The following PRKD1 variants were observed in gnomAD, a reference collection of about 807,000 sequenced individuals.
PRKD1 encodes the protein protein kinase D1.
Under a neutral mutation model 95.9 loss-of-function variants are expected in PRKD1, and 63 were observed. The observed-to-expected ratio is 0.66, with a 90% CI of 0.54 to 0.81. PRKD1 has a LOEUF of 0.81. PRKD1 is among the 30% of genes least tolerant of loss of function. PRKD1 has a pLI of 0.00. For missense variants in PRKD1, 1,048 were observed against 1,165.3 expected (o/e 0.90, Z 1.47); for synonymous variants, 425 against 423.1 (o/e 1.00, Z -0.05).
intron 6 of PRKD1, 61 bp from the exon 7 acceptor site, chr14:29,636,555 A>G: frequency 6.5e-7 from 1 of 1,541,566 alleles, no homozygotes; most frequent in Non-Finnish European, 8.9e-7. Flanking sequence ...GGCTTAAGAG[A>G]CAGTCAGGTG....
At chr14:29,650,572 G>C (rs568616140) in intron 4 of PRKD1, 1 of 152,370 alleles carries the variant, frequency 6.6e-6, no homozygotes, top group East Asian at 1.9e-4. Context: ...CTGAATGGGG[G>C]GGGCAGGAGA....
chr14:29,616,894 T>C (rs1878903055), intron 13 of PRKD1, among the ~76,000 whole-genome samples: 1 of 152,212 alleles, frequency 6.6e-6, no homozygotes, highest in South Asian at 2.1e-4. Flanking sequence ...CTTGGTTTCA[T>C]TATCCAGATA....
chr14:29,901,252 C>T (rs1173528114), intron 1 of PRKD1, among the ~76,000 whole-genome samples: 1 of 152,134 alleles, frequency 6.6e-6, no homozygotes, highest in African/African-American at 2.4e-5. Context: ...AAACCAAATA[C>T]CACGTGTTCT....
At chr14:29,679,333 T>A (rs911422753) in intron 2 of PRKD1, among the ~76,000 whole-genome samples, 3 of 152,214 alleles carry the variant, frequency 2.0e-5, no homozygotes, top group Non-Finnish European at 2.9e-5. Flanking sequence ...GGTAGAGCTT[T>A]GAAGTCATTT....
intron 1 of PRKD1, among the ~76,000 whole-genome samples, chr14:29,909,668 C>T (rs1022221166): frequency 6.6e-6 from 1 of 152,140 alleles, no homozygotes; most frequent in Admixed American, 6.5e-5. Context: ...CACTCTGTGT[C>T]TAGCTCAAGG....
intron 2 of PRKD1, among the ~76,000 whole-genome samples, chr14:29,691,248 G>C (rs1884215814): frequency 6.6e-6 from 1 of 152,144 alleles, no homozygotes; most frequent in Admixed American, 6.5e-5. Context: ...TAGAACACCA[G>C]GCCAGTTCCC....
At chr14:29,649,991 TCA>T (rs1224804685) in intron 4 of PRKD1, among the ~76,000 whole-genome samples, 2 of 152,160 alleles carry the variant, frequency 1.3e-5, no homozygotes, top group Non-Finnish European at 2.9e-5. Context: ...ACAGTCTTTA[TCA>T]CACACACTCA....
chr14:29,706,674 T>C (rs1885107397), intron 2 of PRKD1, among the ~76,000 whole-genome samples: 1 of 152,174 alleles, frequency 6.6e-6, no homozygotes, highest in South Asian at 2.1e-4. Flanking sequence ...GGCTTTAGTA[T>C]CTCATATAAT....
intron 1 of PRKD1, among the ~76,000 whole-genome samples, chr14:29,896,793 G>C (rs769651314): frequency 6.6e-6 from 1 of 150,860 alleles, no homozygotes; most frequent in African/African-American, 2.4e-5. Flanking sequence ...ACATGCAAAT[G>C]AATCTCGTCA....
intron 1 of PRKD1, among the ~76,000 whole-genome samples, chr14:29,838,301 C>T (rs953156765): frequency 8.6e-5 from 13 of 151,996 alleles, no homozygotes; most frequent in Non-Finnish European, 1.8e-4. Context: ...AAATAGAAAA[C>T]TGCAGAGTAT....
At chr14:29,706,756 G>T (rs918899285) in intron 2 of PRKD1, among the ~76,000 whole-genome samples, 1 of 152,026 alleles carries the variant, frequency 6.6e-6, no homozygotes. Context: ...CTTTCACAGA[G>T]TATCTTCTAC....
At chr14:29,679,141 T>A (rs1427539090) in intron 2 of PRKD1, among the ~76,000 whole-genome samples, 11 of 152,186 alleles carry the variant, frequency 7.2e-5, no homozygotes. Context: ...AAAATGAACC[T>A]AAAAATGGAA....
At chr14:29,925,644 G>A (rs1248548548) in intron 1 of PRKD1, among the ~76,000 whole-genome samples, 6 of 152,152 alleles carry the variant, frequency 3.9e-5, no homozygotes, top group Non-Finnish European at 7.4e-5. Flanking sequence ...GGAGGAAGTG[G>A]GGGGCGGGGT....
intron 1 of PRKD1, among the ~76,000 whole-genome samples, chr14:29,758,740 A>G (rs1887830659): frequency 6.6e-6 from 1 of 152,190 alleles, no homozygotes; most frequent in Admixed American, 6.5e-5. Context: ...TTTGTCTTCA[A>G]AAATTACAAG....
intron 1 of PRKD1, among the ~76,000 whole-genome samples, chr14:29,793,641 G>A (rs981580447): frequency 3.9e-5 from 6 of 152,020 alleles, no homozygotes. Flanking sequence ...AATAGGAAGA[G>A]ATGAGCGCAA....
At chr14:29,829,311 T>A (rs1891314394) in intron 1 of PRKD1, among the ~76,000 whole-genome samples, 1 of 152,138 alleles carries the variant, frequency 6.6e-6, no homozygotes, top group South Asian at 2.1e-4. Context: ...AGTTTTAGGG[T>A]GATTTGTTAC....
At chr14:29,922,068 A>G (rs146896982) in intron 1 of PRKD1, among the ~76,000 whole-genome samples, 2,071 of 152,118 alleles carry the variant, frequency 0.014, 46 homozygotes, top group African/African-American at 0.048. Context: ...TTGGGAGGCC[A>G]AGGCGGGCGG....
intron 1 of PRKD1, among the ~76,000 whole-genome samples, chr14:29,789,716 A>G (rs920192112): frequency 6.6e-6 from 1 of 152,132 alleles, no homozygotes; most frequent in African/African-American, 2.4e-5. Context: ...GACACCATGC[A>G]TGTATATCAG....
chr14:29,632,780 G>C, intron 9 of PRKD1, 89 bp downstream of exon 9: 1 of 1,207,610 alleles, frequency 8.3e-7, no homozygotes, highest in African/African-American at 1.5e-5. Flanking sequence ...AGCCACGTTT[G>C]TTGGATGTAT....
Sources: allele counts gnomAD v4.1 joint callset (sites outside exome capture counted in the v4.1 genomes callset), GRCh38; gene constraint gnomAD v4.1.1; transcripts MANE v1.5; gene names NCBI Gene and HGNC (gene_info 2026-07-23, HGNC 2026-07-21).